EFCAB14: variants seen among roughly 807,000 people sequenced by gnomAD.
EFCAB14 encodes the protein EF-hand calcium binding domain 14, also known as EF-hand calcium-binding domain-containing protein 14.
A neutral mutation model predicts 56.5 loss-of-function variants in EFCAB14; 43 were observed. The ratio of observed to expected loss-of-function variants is 0.76; its 90% confidence interval spans 0.60 to 0.98. EFCAB14 has a LOEUF of 0.98. EFCAB14 is among the 50% of genes least tolerant of loss of function. The pLI is 0.00. For missense variants in EFCAB14, 538 were observed against 580.3 expected (o/e 0.93, Z 0.75); for synonymous variants, 235 against 212.9 (o/e 1.10, Z -0.90).
At position 46,716,345 on chromosome 1, in the gene EFCAB14, T is replaced by C; in HGVS notation, c.284A>G (p.Gln95Arg). The C allele has an allele frequency of 6.2e-7, 1 of 1,611,310 alleles. No homozygotes were observed. The highest frequency in any genetic ancestry group is 8.5e-7 in the Non-Finnish European group (1 of 1,179,392). The change falls in exon 2 of 11, where the codon CAG (glutamine) becomes CGG (arginine). Residue 95 changes from glutamine (Q) to arginine (R), a missense_variant. By Grantham distance (43) the Gln-to-Arg change is conservative. Coordinates refer to ENST00000371933, the MANE Select transcript of EFCAB14 (RefSeq NM_014774.3). ...VVACVGLVWM[Q>R]VALKEDLDAL... ...ATCCAGATCCTCCTTGAGAGCAACC[T>C]GCATCCACACCAAGCCAACACAGGC...
chr1:46,702,974 T>C (rs1298927441), intron 3 of EFCAB14, among the ~76,000 whole-genome samples: 2 of 152,234 alleles, frequency 1.3e-5, no homozygotes, highest in African/African-American at 4.8e-5. Flanking sequence ...TCATCTATAC[T>C]TTTGCACATA....
intron 2 of EFCAB14, among the ~76,000 whole-genome samples, chr1:46,710,875 CAT>C (rs757525467): frequency 2.6e-4 from 39 of 152,302 alleles, no homozygotes; most frequent in Non-Finnish European, 3.5e-4. Context: ...TTATCTTCCA[CAT>C]ATGAGTGAGA....
intron 2 of EFCAB14, among the ~76,000 whole-genome samples, chr1:46,714,100 G>C (rs952945345): frequency 6.6e-6 from 1 of 151,888 alleles, no homozygotes; most frequent in Non-Finnish European, 1.5e-5. Flanking sequence ...AACATCACTA[G>C]AAACATCATT....
chr1:46,699,457 A>T (rs1168525958), intron 3 of EFCAB14, among the ~76,000 whole-genome samples: 2 of 152,186 alleles, frequency 1.3e-5, no homozygotes, highest in Non-Finnish European at 2.9e-5. Context: ...ATGATCAAGG[A>T]CCATGTCTCT....
At chr1:46,710,668 C>A (rs1340060022) in intron 2 of EFCAB14, among the ~76,000 whole-genome samples, 2 of 152,204 alleles carry the variant, frequency 1.3e-5, no homozygotes, top group Non-Finnish European at 2.9e-5. Context: ...ATCCTTCTGC[C>A]TCAGCCTCCT....
At chr1:46,683,564 T>A in intron 9 of EFCAB14, 139 bp from the exon 10 acceptor site, 2 of 914,276 alleles carry the variant, frequency 2.2e-6, no homozygotes, top group Non-Finnish European at 3.2e-6. Flanking sequence ...GCATAGTGAC[T>A]ATGTGAAGTT....
rs1676722248 is a variant in EFCAB14 at position 46,677,992 on chromosome 1, C to T, written c.*469G>A. The T allele has an allele frequency of 6.5e-6, 1 of 154,606 alleles. No individual in the cohort carries two copies. Among genetic ancestry groups the T allele is most frequent in the East Asian group, 1.9e-4 (1 of 5,200 alleles). The allele number at this position is 154,606 out of a possible 1,614,324, so 9.6% of individuals were successfully genotyped here. ...TTCTTCCTACTTTCCACACAATATG[C>T]ACAATGCTTTCTTTCATTTAAATAT... On this transcript the variant is annotated 3_prime_UTR_variant, in exon 11 of 11. Transcript: ENST00000371933.
chr1:46,688,600 C>G, intron 6 of EFCAB14, 56 bp from the exon 7 acceptor site: 4 of 1,479,626 alleles, frequency 2.7e-6, no homozygotes, highest in Non-Finnish European at 3.7e-6. Context: ...ATTAGACAAG[C>G]AGGCCAGCAG....
At chr1:46,706,337 C>T (rs11211343) in intron 3 of EFCAB14, among the ~76,000 whole-genome samples, 9,183 of 152,226 alleles carry the variant, frequency 0.06, 858 homozygotes, top group East Asian at 0.4. Context: ...AAAATGATTA[C>T]TTTGTGTCTA....
At chr1:46,698,400 C>T (rs1677106538) in intron 3 of EFCAB14, among the ~76,000 whole-genome samples, 1 of 152,052 alleles carries the variant, frequency 6.6e-6, no homozygotes, top group African/African-American at 2.4e-5. Flanking sequence ...GTGGTGTTTA[C>T]ATTTTAGTGC....
chr1:46,692,203 A>G (rs1677004155), intron 4 of EFCAB14: 1 of 307,658 alleles, frequency 3.3e-6, no homozygotes, highest in African/African-American at 2.2e-5. Context: ...TAGATTTTAT[A>G]TAAGTAGAAC....
rs145491087 is a variant in EFCAB14 at position 46,679,756 on chromosome 1, G to A, written c.1313-1120C>T. 6.2e-3 allele frequency among the ~76,000 whole-genome samples: 943 copies of A among 151,826 alleles called. 14 individuals are homozygous for A. Among genetic ancestry groups the A allele is most frequent in the African/African-American group, 0.022 (897 of 41,374 alleles). ...CTCCTTAGTAGCTGGCATGACAGGT[G>A]TGTATCACCAGGCCTGGCTAATTTT... On this transcript the variant is annotated intron_variant, in intron 10 of 10. Coordinates refer to ENST00000371933, the MANE Select transcript of EFCAB14 (RefSeq NM_014774.3).
rs1384269234 is a variant in EFCAB14 at position 46,717,991 on chromosome 1, G to T, written c.97C>A (p.Arg33Ser). 1 of 1,614,182 alleles carries T rather than the reference G, an allele frequency of 6.2e-7. No individual in the cohort carries two copies. The highest frequency in any genetic ancestry group is 2.2e-5 in the East Asian group (1 of 44,880). The part of the protein sequence containing the change: ...KKGPSSHRLL[R>S]TEPPDSDSES... ...GAGTCTGAGTCGGGAGGCTCAGTGC[G>T]AAGCAGGCGGTGACTGCTTGGGCCT... The change falls in exon 1 of 11, where the codon CGC becomes AGC. Residue 33 changes from arginine to serine, a missense_variant. Arg to Ser is a moderately radical substitution (Grantham distance 110). Transcript: ENST00000371933.
At chr1:46,705,337 A>T (rs1198254204) in intron 3 of EFCAB14, among the ~76,000 whole-genome samples, 1 of 152,228 alleles carries the variant, frequency 6.6e-6, no homozygotes, top group African/African-American at 2.4e-5. Context: ...GTTTCACTGC[A>T]ATCTCTTCCA....
At position 46,686,837 on chromosome 1, in the gene EFCAB14, A is replaced by G. The variant is rs1387065468; in HGVS notation, c.1021T>C (p.Ser341Pro). ...GTTCTGTTGGTGACTTGATCCAAAGACTGTCTTTTCAGAGTGGCAGATCTA... is the reference window on the plus strand; with the variant it reads ...GTTCTGTTGGTGACTTGATCCAAAGGCTGTCTTTTCAGAGTGGCAGATCTA... ...GDRSATLKRQ[S>P]LDQVTNRTDT... is the part of the protein sequence containing the mutation. Residue 341 changes from serine to proline, a missense_variant, in exon 8 of 11, where the codon TCT becomes CCT. Ser to Pro is a moderately conservative substitution (Grantham distance 74, BLOSUM62 -1). Coordinates refer to ENST00000371933, the MANE Select transcript of EFCAB14 (RefSeq NM_014774.3). 1 of 1,613,830 alleles carries G rather than the reference A, an allele frequency of 6.2e-7. No individual in the cohort carries two copies. Among genetic ancestry groups the G allele is most frequent in the Non-Finnish European group, 8.5e-7 (1 of 1,179,838 alleles).
At chr1:46,691,758 A>G in intron 5 of EFCAB14, 69 bp downstream of exon 5, 2 of 1,136,696 alleles carry the variant, frequency 1.8e-6, no homozygotes, top group South Asian at 1.4e-5. Context: ...GATTAGTGGA[A>G]AGTTGGCAAC....
intron 7 of EFCAB14, among the ~76,000 whole-genome samples, chr1:46,688,057 C>T (rs181747537): frequency 2.6e-5 from 4 of 152,278 alleles, no homozygotes; most frequent in Non-Finnish European, 4.4e-5. Context: ...TACCAGATGG[C>T]GCACTGGTAA....
At chr1:46,696,691 T>C in intron 3 of EFCAB14, 42 bp from the exon 4 acceptor site, 1 of 1,583,350 alleles carries the variant, frequency 6.3e-7, no homozygotes. Context: ...CAAATGAGAA[T>C]TTGTAGAGGA....
intron 10 of EFCAB14, 174 bp downstream of exon 10, chr1:46,683,122 ATACT>A: frequency 4.7e-6 from 3 of 643,042 alleles, no homozygotes; most frequent in Non-Finnish European, 7.5e-6. Flanking sequence ...TAATACATAA[ATACT>A]TATGTTCATG....
Sources: gnomAD v4.1 joint callset for allele counts (sites outside exome capture counted in the v4.1 genomes callset) on GRCh38, gnomAD v4.1.1 for gene constraint, MANE v1.5 for transcripts, NCBI Gene and HGNC (gene_info 2026-07-23, HGNC 2026-07-21) for gene names.